Variants in RRM2 observed in about 807,000 individuals in gnomAD.
RRM2 encodes the protein ribonucleoside-diphosphate reductase subunit M2.
RRM2 carries 6 observed loss-of-function variants against 45.9 expected under a neutral mutation model. That is an observed-to-expected ratio of 0.13 (90% CI 0.07 to 0.26). RRM2 has a LOEUF of 0.26. Ranked by LOEUF, RRM2 falls within the 10% of genes least tolerant of loss-of-function variation. RRM2 has a pLI of 1.00. For synonymous variants in RRM2, 177 were observed against 173.0 expected (o/e 1.02, Z -0.18); for missense variants, 343 against 489.5 (o/e 0.70, Z 2.82).
chr2:10,163,142 T>G (rs1194390691), intron 3 of RRM2, among the ~76,000 whole-genome samples: 2 of 151,824 alleles, frequency 1.3e-5, no homozygotes, highest in East Asian at 3.9e-4. Context: ...AGAACTGGAG[T>G]GTGAAAGTCA....
At position 10,127,983 on chromosome 2, in the gene RRM2, G is replaced by A. The variant is rs1662816918; in HGVS notation, c.798+763G>A. ...AGATTGAGACCATCCTGGCTAACAC[G>A]GTGAAACCCCATCTCTACTAAAAAT... is the stretch of plus-strand genomic sequence containing the variant. On this transcript the variant is annotated intron_variant, in intron 7 of 9. Coordinates refer to ENST00000304567, the MANE Select transcript of RRM2 (RefSeq NM_001034.4). The surrounding 1 kb of genome is among the most constrained non-coding windows in gnomAD (Gnocchi z 4.1). 6.6e-6 allele frequency among the ~76,000 whole-genome samples: 1 copy of A among 151,714 alleles called. No homozygotes were observed. Among genetic ancestry groups the A allele is most frequent in the African/African-American group, 2.4e-5 (1 of 41,310 alleles).
At chr2:10,177,673 T>TCCTTCCTA in intron 3 of RRM2, among the ~76,000 whole-genome samples, 1 of 86,562 alleles carries the variant, frequency 1.2e-5, no homozygotes, top group African/African-American at 3.6e-5. Flanking sequence ...TTTCCTTCCT[T>TCCTTCCTA]CCTTCCTTCC....
chr2:10,209,485 T>A (rs1207014115), intron 3 of RRM2, among the ~76,000 whole-genome samples: 1 of 152,208 alleles, frequency 6.6e-6, no homozygotes, highest in Non-Finnish European at 1.5e-5. Context: ...TCTTTTCTTG[T>A]GGGAATATGC....
chr2:10,209,140 C>T (rs1019772673), intron 3 of RRM2, among the ~76,000 whole-genome samples: 1 of 151,384 alleles, frequency 6.6e-6, no homozygotes, highest in Non-Finnish European at 1.5e-5. Flanking sequence ...TCACTGCAAC[C>T]TCTGCCTCCT....
intron 3 of RRM2, among the ~76,000 whole-genome samples, chr2:10,151,145 T>C (rs1663304042): frequency 1.3e-5 from 2 of 152,072 alleles, no homozygotes; most frequent in African/African-American, 4.8e-5. Flanking sequence ...ATCAGTTGTA[T>C]ATAACAATGG....
At chr2:10,174,543 T>A (rs1161335457) in intron 3 of RRM2, among the ~76,000 whole-genome samples, 1 of 147,096 alleles carries the variant, frequency 6.8e-6, no homozygotes, top group Non-Finnish European at 1.5e-5. Flanking sequence ...TCAGAAGACC[T>A]CAATGACTGT....
intron 3 of RRM2, among the ~76,000 whole-genome samples, chr2:10,143,465 G>A (rs190784409): frequency 1.3e-3 from 197 of 152,344 alleles, no homozygotes; most frequent in Non-Finnish European, 6.0e-4. Context: ...GCAGGGATGG[G>A]GTCCGTGTCC....
At chr2:10,152,529 C>T (rs1308770795) in intron 3 of RRM2, among the ~76,000 whole-genome samples, 1 of 150,196 alleles carries the variant, frequency 6.7e-6, no homozygotes, top group Non-Finnish European at 1.5e-5. Context: ...ATCACCCAGG[C>T]CAGAGTGCAG....
chr2:10,199,277 A>AG (rs1345006967), intron 3 of RRM2: 2 of 77,668 alleles, frequency 2.6e-5, no homozygotes, highest in Non-Finnish European at 5.4e-5. Context: ...ATCTCCAGCT[A>AG]GAAAAAAAAA....
chr2:10,131,979 G>T (rs1341702028), downstream of RRM2, among the ~76,000 whole-genome samples: 1 of 152,140 alleles, frequency 6.6e-6, no homozygotes, highest in African/African-American at 2.4e-5. Context: ...AAACAGGTGG[G>T]GCTAGAGGTC....
Position 10,122,847 on chromosome 2 carries a change from C to T in RRM2, c.49C>T (p.Leu17=). The T allele has an allele frequency of 1.9e-6, 3 of 1,602,274 alleles. No individual in the cohort carries two copies. Among genetic ancestry groups the T allele is most frequent in the South Asian group, 1.1e-5 (1 of 88,968 alleles). The change falls in exon 1 of 10, where the codon CTG becomes TTG. Residue 17 remains leucine, a synonymous_variant. Transcript: ENST00000304567. ...CGCGCCCATCACGGACCCGCAGCAG[C>T]TGCAGCTCTCGCCGCTGAAGGGGCT... ...PLAPITDPQQ[L]QLSPLKGLSL...
chr2:10,208,110 G>T (rs1387055486), intron 3 of RRM2, among the ~76,000 whole-genome samples: 2 of 152,212 alleles, frequency 1.3e-5, no homozygotes, highest in East Asian at 3.8e-4. Context: ...AAGGAATTGG[G>T]AATTGGGAAG....
downstream of RRM2, among the ~76,000 whole-genome samples, chr2:10,134,084 A>G (rs373117236): frequency 1.3e-3 from 192 of 149,634 alleles, 1 homozygote; most frequent in South Asian, 0.022. Flanking sequence ...AGGCTGAGGC[A>G]GGAGAATCAC....
intron 3 of RRM2, among the ~76,000 whole-genome samples, chr2:10,151,884 AT>A (rs1210429098): frequency 6.6e-6 from 1 of 152,116 alleles, no homozygotes; most frequent in African/African-American, 2.4e-5. Context: ...AAATGTACTT[AT>A]TTTTTATATG....
chr2:10,126,946 T>C lies in RRM2; in HGVS notation c.641T>C (p.Ile214Thr), dbSNP rs781343431. ...KKKADWALRW[I>T]GDKEATYGER... ...AAGGCAGACTGGGCCTTGCGCTGGA[T>C]TGGGGACAAAGAGGCTACCTATGGT... Residue 214 changes from isoleucine (I) to threonine (T), a missense_variant, in exon 6 of 10, where the codon ATT (isoleucine) becomes ACT (threonine). By Grantham distance (89) the Ile-to-Thr change is moderately conservative. Transcript: ENST00000304567. The C allele has an allele frequency of 9.9e-6, 16 of 1,614,034 alleles. No individual in the cohort carries two copies. The highest frequency in any genetic ancestry group is 5.5e-5 in the South Asian group (5 of 91,084).
intron 3 of RRM2, among the ~76,000 whole-genome samples, chr2:10,201,510 C>A (rs193079178): frequency 6.6e-6 from 1 of 152,348 alleles, no homozygotes; most frequent in East Asian, 1.9e-4. Context: ...GAACGTCCTT[C>A]CTCTATTCTG....
downstream of RRM2, among the ~76,000 whole-genome samples, chr2:10,135,029 A>C (rs928097155): frequency 6.6e-6 from 1 of 152,252 alleles, no homozygotes; most frequent in African/African-American, 2.4e-5. Flanking sequence ...CCAAAAGATT[A>C]TGAAATCATA....
chr2:10,198,292 C>T (rs1664457022), intron 3 of RRM2, among the ~76,000 whole-genome samples: 1 of 152,124 alleles, frequency 6.6e-6, no homozygotes, highest in Non-Finnish European at 1.5e-5. Flanking sequence ...CAAAGTCATT[C>T]TTCTTCCATG....
At chr2:10,194,722 G>A (rs1349231406) in intron 3 of RRM2, among the ~76,000 whole-genome samples, 1 of 152,228 alleles carries the variant, frequency 6.6e-6, no homozygotes, top group African/African-American at 2.4e-5. Flanking sequence ...GGCTCAGTGG[G>A]GTTCCTGCTG....
Sources: gnomAD v4.1 joint callset for allele counts (sites outside exome capture counted in the v4.1 genomes callset) on GRCh38, gnomAD v4.1.1 for gene constraint, Gnocchi (gnomAD v3.1) non-coding constraint, MANE v1.5 for transcripts, NCBI Gene and HGNC (gene_info 2026-07-23, HGNC 2026-07-21) for gene names.